GPC6: variants seen among roughly 807,000 people sequenced by gnomAD.
GPC6 encodes glypican 6.
A neutral mutation model predicts 55.2 loss-of-function variants in GPC6; 14 were observed. The observed-to-expected ratio is 0.25, with a 90% CI of 0.17 to 0.40. GPC6 has a LOEUF of 0.40. Among genes scored for constraint, GPC6 ranks in the 10% least tolerant of loss-of-function variants. GPC6 has a pLI of 1.00. For synonymous variants in GPC6, 278 were observed against 259.6 expected (o/e 1.07, Z -0.68); for missense variants, 641 against 708.5 (o/e 0.90, Z 1.08).
chr13:93,731,073 T>C (rs982722199), intron 2 of GPC6, among the ~76,000 whole-genome samples: 2 of 152,136 alleles, frequency 1.3e-5, no homozygotes, highest in Non-Finnish European at 2.9e-5. Flanking sequence ...GGCTTTGTCA[T>C]GAGGGAGTGT....
intron 2 of GPC6, among the ~76,000 whole-genome samples, chr13:93,808,489 T>G (rs144946186): frequency 1.4e-4 from 21 of 152,340 alleles, no homozygotes; most frequent in African/African-American, 5.1e-4. Context: ...ATCCTCAACA[T>G]TTGTCTTCCA....
In GPC6 at chr13:93,830,331, C is replaced by A. The variant is rs1395940054; in HGVS notation, c.497C>A (p.Ala166Asp). 6.2e-7 allele frequency: 1 copy of A among 1,613,952 alleles called. No homozygotes were observed. Among genetic ancestry groups the A allele is most frequent in the African/African-American group, 1.3e-5 (1 of 75,018 alleles). Residue 166 changes from alanine to aspartate, a missense_variant, in exon 3 of 9, where the codon GCT (alanine) becomes GAT (aspartate). Coordinates refer to ENST00000377047, the MANE Select transcript of GPC6 (RefSeq NM_005708.5). ...GAGGAAATGCTCAATGACTTTTGGG[C>A]TCGGCTCCTGGAACGGATGTTTCAG... ...NLEEMLNDFW[A>D]RLLERMFQLI...
chr13:93,888,373 A>C (rs772845304), intron 3 of GPC6, among the ~76,000 whole-genome samples: 1 of 152,208 alleles, frequency 6.6e-6, no homozygotes, highest in African/African-American at 2.4e-5. Context: ...GTCATCGTTC[A>C]TTCCTACAGA....
intron 1 of GPC6, among the ~76,000 whole-genome samples, chr13:93,473,573 G>A (rs1040717634): frequency 7.2e-5 from 11 of 152,310 alleles, no homozygotes; most frequent in East Asian, 1.9e-4. Flanking sequence ...GCAGTGGAGC[G>A]CATGCATATG....
At chr13:93,359,505 T>C (rs1880972382) in intron 1 of GPC6, among the ~76,000 whole-genome samples, 1 of 152,170 alleles carries the variant, frequency 6.6e-6, no homozygotes, top group African/African-American at 2.4e-5. Flanking sequence ...TATATATGTA[T>C]ATGTGTTTAT....
At chr13:94,248,592 C>T (rs568696913) in intron 4 of GPC6, among the ~76,000 whole-genome samples, 1 of 151,996 alleles carries the variant, frequency 6.6e-6, no homozygotes, top group Non-Finnish European at 1.5e-5. Flanking sequence ...TCAAATAATA[C>T]ACATGTGACC....
At chr13:93,294,627 G>A (rs1202154441) in intron 1 of GPC6, among the ~76,000 whole-genome samples, 2 of 152,250 alleles carry the variant, frequency 1.3e-5, no homozygotes, top group African/African-American at 4.8e-5. Flanking sequence ...GTTGCTTAGA[G>A]TCTAGTGGGG....
At chr13:94,141,039 A>C (rs1887358205) in intron 4 of GPC6, among the ~76,000 whole-genome samples, 1 of 152,200 alleles carries the variant, frequency 6.6e-6, no homozygotes, top group Non-Finnish European at 1.5e-5. Flanking sequence ...AAAGAGGCTT[A>C]TTCTGAGCCA....
upstream of GPC6, among the ~76,000 whole-genome samples, chr13:93,226,097 G>A (rs1875771716): frequency 6.6e-6 from 1 of 152,116 alleles, no homozygotes; most frequent in Admixed American, 6.6e-5. Flanking sequence ...TTCTCCACTT[G>A]AGAATTATGT....
At chr13:93,380,664 G>T (rs1355377349) in intron 1 of GPC6, among the ~76,000 whole-genome samples, 2 of 152,102 alleles carry the variant, frequency 1.3e-5, no homozygotes, top group East Asian at 3.9e-4. Context: ...TTAGATATAG[G>T]TAAGGGAACT....
At chr13:93,702,806 C>T (rs1223826489) in intron 2 of GPC6, among the ~76,000 whole-genome samples, 1 of 151,970 alleles carries the variant, frequency 6.6e-6, no homozygotes, top group African/African-American at 2.4e-5. Flanking sequence ...ACCTCCTCAC[C>T]TCTCTCAGCC....
intron 3 of GPC6, among the ~76,000 whole-genome samples, chr13:93,998,830 C>G (rs941007140): frequency 3.9e-5 from 6 of 151,928 alleles, no homozygotes; most frequent in African/African-American, 1.5e-4. Flanking sequence ...ACCTCACATA[C>G]CTATCTTTTT....
chr13:93,257,641 A>G (rs182505856), intron 1 of GPC6, among the ~76,000 whole-genome samples: 5 of 152,254 alleles, frequency 3.3e-5, no homozygotes, highest in Middle Eastern at 3.4e-3. Context: ...TCATCTTTTC[A>G]TCATAGGCAT....
chr13:94,265,071 G>A (rs189741396), intron 4 of GPC6, among the ~76,000 whole-genome samples: 4 of 152,252 alleles, frequency 2.6e-5, no homozygotes, highest in Admixed American at 2.6e-4. Context: ...GATTTTGGAG[G>A]GGACACTGCC....
At chr13:93,563,188 A>C (rs1408736427) in intron 2 of GPC6, among the ~76,000 whole-genome samples, 1 of 152,078 alleles carries the variant, frequency 6.6e-6, no homozygotes, top group East Asian at 1.9e-4. Flanking sequence ...ACAATATTGG[A>C]TATGATCCAC....
chr13:93,900,764 A>G (rs1402491366), intron 3 of GPC6, among the ~76,000 whole-genome samples: 2 of 152,210 alleles, frequency 1.3e-5, no homozygotes, highest in South Asian at 2.1e-4. Context: ...GTATGAGTAC[A>G]GAAAATAATC....
chr13:93,984,382 A>G (rs1393620464), intron 3 of GPC6, among the ~76,000 whole-genome samples: 1 of 152,210 alleles, frequency 6.6e-6, no homozygotes, highest in Non-Finnish European at 1.5e-5. Flanking sequence ...TCCCTGTAAT[A>G]AAACAGTAAT....
intron 3 of GPC6, among the ~76,000 whole-genome samples, chr13:93,945,613 A>T (rs954320648): frequency 3.3e-5 from 5 of 152,236 alleles, no homozygotes; most frequent in African/African-American, 1.2e-4. Context: ...GCCGAAAGAC[A>T]TTGACCAAGT....
At chr13:93,525,353 C>A (rs1881605913) in intron 1 of GPC6, among the ~76,000 whole-genome samples, 1 of 152,024 alleles carries the variant, frequency 6.6e-6, no homozygotes, top group Non-Finnish European at 1.5e-5. Context: ...AGATCATTCT[C>A]ACAAAATGTG....
Sources: gnomAD v4.1 joint callset for allele counts (sites outside exome capture counted in the v4.1 genomes callset) on GRCh38, gnomAD v4.1.1 for gene constraint, MANE v1.5 for transcripts, NCBI Gene and HGNC (gene_info 2026-07-23, HGNC 2026-07-21) for gene names.